DMD: variants seen among roughly 807,000 people sequenced by gnomAD.
DMD encodes dystrophin, also known as mutant dystrophin.
DMD carries 63 observed loss-of-function variants against 330.1 expected under a neutral mutation model. That is an observed-to-expected ratio of 0.19 (90% CI 0.16 to 0.24). The LOEUF is 0.24. Among genes scored for constraint, DMD ranks in the 10% least tolerant of loss-of-function variants. The probability of loss-of-function intolerance (pLI) is 1.00; values close to 1 mark genes in which losing one functional copy is unlikely to be tolerated. For missense variants in DMD, 3,344 were observed against 2,684.1 expected (o/e 1.25, Z -5.43); for synonymous variants, 1,223 against 959.8 (o/e 1.27, Z -5.07).
At chrX:31,721,700 CTCTCTCTCTCTCTCTCTCTA>C (rs2085529933) in intron 52 of DMD, among the ~76,000 whole-genome samples, 18 of 64,703 alleles carry the variant, frequency 2.8e-4, no homozygotes, top group Middle Eastern at 6.9e-3. Context: ...CTCTCTCTCT[CTCTCTCTCTCTCTCTCTCTA>C]TATATATATA....
intron 47 of DMD, among the ~76,000 whole-genome samples, chrX:31,916,211 T>A (rs978928597): frequency 8.9e-6 from 1 of 112,216 alleles, no homozygotes; most frequent in Non-Finnish European, 1.9e-5. Flanking sequence ...TGAAAATGTA[T>A]GAGTGAGCCA....
intron 44 of DMD, among the ~76,000 whole-genome samples, chrX:31,988,969 T>A (rs2095531091): frequency 8.9e-6 from 1 of 112,077 alleles, no homozygotes; most frequent in East Asian, 2.8e-4. Flanking sequence ...TGACGTTAAG[T>A]TCCAGCCCCA....
intron 37 of DMD, among the ~76,000 whole-genome samples, chrX:32,358,637 C>T (rs2097817227): frequency 8.9e-6 from 1 of 111,771 alleles, no homozygotes; most frequent in African/African-American, 3.3e-5. Flanking sequence ...ACAAACATAA[C>T]TCCTTAGTAG....
intron 12 of DMD, among the ~76,000 whole-genome samples, chrX:32,606,566 C>A (rs2056721157): frequency 9.2e-6 from 1 of 108,898 alleles, no homozygotes; most frequent in South Asian, 3.9e-4. Context: ...ATATACTCAA[C>A]AAAAACAACA....
chrX:31,548,621 C>A (rs1327252671), intron 55 of DMD, among the ~76,000 whole-genome samples: 64 of 105,906 alleles, frequency 6.0e-4, no homozygotes, highest in Non-Finnish European at 7.4e-4. Flanking sequence ...GAACTCCTGA[C>A]CTCAAGTGAT....
intron 51 of DMD, among the ~76,000 whole-genome samples, chrX:31,744,348 T>C (rs1016845826): frequency 2.1e-4 from 23 of 111,785 alleles, no homozygotes; most frequent in African/African-American, 7.2e-4. Flanking sequence ...TTGGAAAAAT[T>C]GTGCCCGACG....
intron 57 of DMD, among the ~76,000 whole-genome samples, chrX:31,495,830 C>G (rs2069788698): frequency 9.0e-6 from 1 of 111,506 alleles, no homozygotes; most frequent in African/African-American, 3.3e-5. Flanking sequence ...TTATATACCA[C>G]CTCCTGATGA....
chrX:33,214,902 C>T (rs917323829), upstream of DMD, among the ~76,000 whole-genome samples: 2 of 112,195 alleles, frequency 1.8e-5, no homozygotes, highest in Non-Finnish European at 3.8e-5. Context: ...ATCCTCCTGC[C>T]TCAGCCTCCC....
intron 45 of DMD, among the ~76,000 whole-genome samples, chrX:31,958,557 C>T (rs1282021155): frequency 9.0e-6 from 1 of 111,679 alleles, no homozygotes; most frequent in African/African-American, 3.3e-5. Context: ...ACCCATATCA[C>T]TTTGGTTCAT....
chrX:32,168,545 A>T (rs924308581), intron 44 of DMD, among the ~76,000 whole-genome samples: 2 of 95,667 alleles, frequency 2.1e-5, no homozygotes, highest in African/African-American at 9.3e-5. Context: ...AGTTATAAAA[A>T]AAAAAAAAAA....
At chrX:33,238,284 C>T (rs2052523358) in intron 1 of DMD, among the ~76,000 whole-genome samples, 1 of 111,863 alleles carries the variant, frequency 8.9e-6, no homozygotes, top group Non-Finnish European at 1.9e-5. Flanking sequence ...GGTTCTAGCT[C>T]ACACAATGCT....
chrX:31,482,647 G>A (rs776927660), intron 57 of DMD, among the ~76,000 whole-genome samples: 12 of 111,914 alleles, frequency 1.1e-4, no homozygotes, highest in African/African-American at 3.9e-4. Context: ...CTCAGAAGTA[G>A]GCATAGCTGA....
At chrX:32,341,882 T>G (rs1196988283) in intron 41 of DMD, among the ~76,000 whole-genome samples, 2 of 111,313 alleles carry the variant, frequency 1.8e-5, no homozygotes, top group Non-Finnish European at 3.8e-5. Context: ...GATAAGGGGT[T>G]TTCCCTGTTA....
intron 60 of DMD, among the ~76,000 whole-genome samples, chrX:31,408,427 A>G (rs1055154118): frequency 9.0e-6 from 1 of 110,536 alleles, no homozygotes; most frequent in Non-Finnish European, 1.9e-5. Flanking sequence ...TTAATTTGAG[A>G]CAGAGTCTTG....
intron 59 of DMD, among the ~76,000 whole-genome samples, chrX:31,450,086 G>A (rs1336832744): frequency 9.0e-6 from 1 of 110,581 alleles, no homozygotes; most frequent in Non-Finnish European, 1.9e-5. Context: ...TCAAACAAAT[G>A]TTTGTTAACC....
In DMD at chrX:33,166,508, G is replaced by A. The variant is rs772719425; in HGVS notation, c.31+44774C>T. Among the ~76,000 whole-genome samples the A allele has an allele frequency of 6.8e-4, 76 of 111,071 alleles. 2 individuals are homozygous for A. Among genetic ancestry groups the A allele is most frequent in the Admixed American group, 4.8e-4 (5 of 10,356 alleles). ...TACTTAATTTCTAAAAATTGAAAGC[G>A]CAAAGTTATTTTGATTTGTAAAGTT... is the stretch of plus-strand genomic sequence containing the variant. On this transcript the variant is annotated intron_variant, in intron 1 of 78. Coordinates refer to ENST00000357033, the MANE Select transcript of DMD (RefSeq NM_004006.3).
intron 34 of DMD, among the ~76,000 whole-genome samples, chrX:32,368,038 A>G (rs939420280): frequency 8.1e-5 from 9 of 111,746 alleles, no homozygotes; most frequent in African/African-American, 2.9e-4. Context: ...TAGGCCTTAA[A>G]TTTTTCCCTC....
At chrX:32,497,792 G>A (rs1308761849) in intron 19 of DMD, among the ~76,000 whole-genome samples, 18 of 111,260 alleles carry the variant, frequency 1.6e-4, no homozygotes, top group South Asian at 1.1e-3. Context: ...GCCCTAGGTT[G>A]TCCTAAAACT....
intron 59 of DMD, among the ~76,000 whole-genome samples, chrX:31,456,606 C>T (rs1286930112): frequency 9.0e-6 from 1 of 111,344 alleles, no homozygotes; most frequent in Non-Finnish European, 1.9e-5. Context: ...TGAGGAAAAG[C>T]AAATAGCCTT....
Sources: gnomAD v4.1 joint callset for allele counts (sites outside exome capture counted in the v4.1 genomes callset) on GRCh38, gnomAD v4.1.1 for gene constraint, MANE v1.5 for transcripts, NCBI Gene and HGNC (gene_info 2026-07-23, HGNC 2026-07-21) for gene names.